FBXO11: variants seen among roughly 807,000 people sequenced by gnomAD.
FBXO11 encodes F-box protein 11, also known as F-box only protein 11.
In FBXO11, 13 loss-of-function variants were observed where a neutral mutation model predicts 117.0. That is an observed-to-expected ratio of 0.11 (90% CI 0.07 to 0.18). FBXO11 has a LOEUF of 0.18. Among genes scored for constraint, FBXO11 ranks in the 10% least tolerant of loss-of-function variants. The probability of loss-of-function intolerance (pLI) is 1.00; values close to 1 mark genes in which losing one functional copy is unlikely to be tolerated. For missense variants in FBXO11, 767 were observed against 1,164.4 expected (o/e 0.66, Z 4.97); for synonymous variants, 490 against 380.5 (o/e 1.29, Z -3.35).
At chr2:47,813,757 T>C (rs1469502530) in intron 17 of FBXO11, 34 bp downstream of exon 17, 1 of 1,431,968 alleles carries the variant, frequency 7.0e-7, no homozygotes, top group Admixed American at 2.2e-5. Flanking sequence ...CTAAAGTTTA[T>C]TAACACAGAA....
At chr2:47,859,297 A>T (rs989121775) in intron 1 of FBXO11, among the ~76,000 whole-genome samples, 14 of 152,180 alleles carry the variant, frequency 9.2e-5, no homozygotes, top group Non-Finnish European at 2.9e-5. Context: ...ATATTAAAAT[A>T]CAAAAATAAA....
intron 1 of FBXO11, among the ~76,000 whole-genome samples, chr2:47,858,542 C>T (rs570607445): frequency 2.1e-4 from 31 of 150,730 alleles, no homozygotes; most frequent in Middle Eastern, 6.8e-3. Flanking sequence ...ATTAGCTGGG[C>T]ATGGTAGCAC....
rs764293682 is a variant in FBXO11, at chr2:47,846,238, C to T, written c.233-6469G>A. 3.9e-5 allele frequency among the ~76,000 whole-genome samples: 6 copies of T among 152,130 alleles called. No homozygotes were observed. The South Asian group carries it at 6.2e-4, about 16-fold the overall frequency. Reference sequence around the variant, plus strand: ...ATCCCAGCACTTTAGGAGGCCCAGGCGGGCAGATCATCTGAGGTTGGGAGT... The same window carrying T: ...ATCCCAGCACTTTAGGAGGCCCAGGTGGGCAGATCATCTGAGGTTGGGAGT... On this transcript the variant is annotated intron_variant, in intron 1 of 22. Transcript: ENST00000403359.
chr2:47,897,401 A>G (rs1245368765), intron 1 of FBXO11, among the ~76,000 whole-genome samples: 4 of 152,214 alleles, frequency 2.6e-5, no homozygotes, highest in Admixed American at 2.6e-4. Flanking sequence ...ATTTCACACT[A>G]AAGAAAAACT....
chr2:47,825,425 A>G (rs1671677343), intron 11 of FBXO11, among the ~76,000 whole-genome samples: 1 of 152,086 alleles, frequency 6.6e-6, no homozygotes, highest in East Asian at 1.9e-4. Flanking sequence ...AAAAAACAAA[A>G]AGAGGCTAGA....
chr2:47,820,607 CAG>C (rs1671310905), intron 13 of FBXO11, 151 bp from the exon 14 acceptor site: 1 of 611,974 alleles, frequency 1.6e-6, no homozygotes, highest in East Asian at 2.8e-5. Flanking sequence ...TAAATAGATG[CAG>C]AGAGCTGCAG....
chr2:47,812,950 T>C (rs930727492), intron 18 of FBXO11: 1 of 379,632 alleles, frequency 2.6e-6, no homozygotes, highest in Non-Finnish European at 4.9e-6. Context: ...ATTATAATCA[T>C]ATTACTATTC....
chr2:47,812,521 AC>A lies in FBXO11; in HGVS notation c.2227+712del, dbSNP rs1396897664. On this transcript the variant is annotated intron_variant, in intron 18 of 22. Transcript: ENST00000403359. ...CTGAGATACGTCACTTTACTGAATTACTAGATTATAAGCTCCTGGAGAGTCT... is the reference window on the plus strand; with the variant it reads ...CTGAGATACGTCACTTTACTGAATTATAGATTATAAGCTCCTGGAGAGTCT... 1.8e-3 allele frequency among the ~76,000 whole-genome samples: 270 copies of A among 152,370 alleles called. 1 individual carries two copies. The highest frequency in any genetic ancestry group is 6.1e-3 in the African/African-American group (255 of 41,588).
Position 47,832,670 on chromosome 2 carries a change from C to T in FBXO11, c.1162G>A (p.Ala388Thr). 1.2e-6 allele frequency: 2 copies of T among 1,613,518 alleles called. No homozygotes were observed. Among genetic ancestry groups the T allele is most frequent in the Non-Finnish European group, 1.7e-6 (2 of 1,179,726 alleles). ...IIRSTCTVGS[A>T]VCVSGQGACP... ...GCTCCTTGACCACTAACACATACTG[C>T]AGAACCAACTGTAGAAAAATTATTT... The change falls in exon 10 of 23, where the codon GCA becomes ACA. Residue 388 changes from alanine to threonine, a missense_variant. Ala to Thr is a moderately conservative substitution (Grantham distance 58, BLOSUM62 0). Around this residue, in one of 10 missense-constraint regions of FBXO11, gnomAD observed 123 missense variants for 145.0 expected, o/e 0.85. Coordinates refer to ENST00000403359, the MANE Select transcript of FBXO11 (RefSeq NM_001190274.2).
intron 11 of FBXO11, among the ~76,000 whole-genome samples, chr2:47,826,059 G>C (rs532271348): frequency 6.6e-6 from 1 of 151,860 alleles, no homozygotes; most frequent in Non-Finnish European, 1.5e-5. Context: ...ACATCCACAA[G>C]TTTTTTTGGT....
At chr2:47,877,541 T>C (rs566297653) in intron 1 of FBXO11, among the ~76,000 whole-genome samples, 111 of 152,288 alleles carry the variant, frequency 7.3e-4, no homozygotes, top group African/African-American at 2.6e-3. Context: ...TTCTTCTGTA[T>C]TTTCGAATTT....
At chr2:47,823,820 C>T (rs1300656600) in intron 11 of FBXO11, among the ~76,000 whole-genome samples, 1 of 151,516 alleles carries the variant, frequency 6.6e-6, no homozygotes, top group Non-Finnish European at 1.5e-5. Flanking sequence ...AAGTAATGAT[C>T]ATGGAAAGAA....
At chr2:47,893,281 C>T (rs72876862) in intron 1 of FBXO11, among the ~76,000 whole-genome samples, 2,105 of 152,184 alleles carry the variant, frequency 0.014, 43 homozygotes, top group African/African-American at 0.044. Flanking sequence ...GCTGGTCTTG[C>T]AAACAGTCTA....
intron 1 of FBXO11, among the ~76,000 whole-genome samples, chr2:47,894,108 T>C (rs914094873): frequency 5.3e-5 from 8 of 152,182 alleles, no homozygotes; most frequent in Admixed American, 4.6e-4. Context: ...ACTTGTATCA[T>C]GAGGAATACA....
chr2:47,844,438 T>G (rs1165921034), intron 1 of FBXO11, among the ~76,000 whole-genome samples: 1 of 152,192 alleles, frequency 6.6e-6, no homozygotes, highest in Non-Finnish European at 1.5e-5. Flanking sequence ...AGGCCATATA[T>G]CCTATCCCCA....
At chr2:47,853,273 C>G (rs1232269950) in intron 1 of FBXO11, among the ~76,000 whole-genome samples, 2 of 151,854 alleles carry the variant, frequency 1.3e-5, no homozygotes, top group African/African-American at 4.8e-5. Context: ...GGCTTCACCA[C>G]GTTGGCCAGG....
intron 1 of FBXO11, among the ~76,000 whole-genome samples, chr2:47,872,007 A>G (rs910516091): frequency 6.6e-5 from 10 of 152,170 alleles, no homozygotes; most frequent in Non-Finnish European, 1.5e-4. Context: ...CTGACTTCAC[A>G]AATAACAGTA....
At chr2:47,871,839 G>C (rs1675647485) in intron 1 of FBXO11, among the ~76,000 whole-genome samples, 1 of 152,172 alleles carries the variant, frequency 6.6e-6, no homozygotes, top group Non-Finnish European at 1.5e-5. Context: ...TTTGACATGA[G>C]CAATGTGCTT....
intron 11 of FBXO11, among the ~76,000 whole-genome samples, chr2:47,829,684 G>A (rs1183946004): frequency 1.3e-5 from 2 of 151,892 alleles, no homozygotes; most frequent in African/African-American, 4.8e-5. Context: ...ATTGAGGAGT[G>A]GATTAGCACT....
Sources: allele counts gnomAD v4.1 joint callset (sites outside exome capture counted in the v4.1 genomes callset), GRCh38; gene constraint gnomAD v4.1.1; regional missense constraint gnomAD v4.1.1; transcripts MANE v1.5; gene names NCBI Gene and HGNC (gene_info 2026-07-23, HGNC 2026-07-21).